Variants in KIAA0319L observed in about 807,000 individuals in gnomAD.
The protein encoded by KIAA0319L is KIAA0319 like, also known as dyslexia-associated protein KIAA0319-like protein.
In KIAA0319L, 55 loss-of-function variants were observed where a neutral mutation model predicts 120.1. That is an observed-to-expected ratio of 0.46 (90% CI 0.37 to 0.57). The LOEUF is 0.57. Among genes scored for constraint, KIAA0319L ranks in the 20% least tolerant of loss-of-function variants. KIAA0319L has a pLI of 0.00. For synonymous variants in KIAA0319L, 398 were observed against 471.9 expected, an observed-to-expected ratio of 0.84 and a Z score of 2.03; for missense variants, 1,049 against 1,255.3, an observed-to-expected ratio of 0.84 and a Z score of 2.48.
chr1:35,444,592 A>T (rs949165745), intron 16 of KIAA0319L, among the ~76,000 whole-genome samples: 3 of 152,166 alleles, frequency 2.0e-5, no homozygotes, highest in East Asian at 1.9e-4. Context: ...TGTTCTTTTT[A>T]AAATGCCCTA....
intron 2 of KIAA0319L, among the ~76,000 whole-genome samples, chr1:35,528,535 A>T (rs1194849158): frequency 6.6e-6 from 1 of 152,224 alleles, no homozygotes; most frequent in Non-Finnish European, 1.5e-5. Context: ...TCGTGGTCTG[A>T]CATATGGTCT....
chr1:35,548,073 A>G (rs1647051367), intron 2 of KIAA0319L, among the ~76,000 whole-genome samples: 1 of 151,736 alleles, frequency 6.6e-6, no homozygotes, highest in Non-Finnish European at 1.5e-5. Flanking sequence ...GTGAGCTGAG[A>G]TCGTACCACT....
intron 10 of KIAA0319L, 82 bp downstream of exon 10, chr1:35,455,931 G>T: frequency 9.3e-7 from 1 of 1,071,156 alleles, no homozygotes; most frequent in Non-Finnish European, 1.4e-6. Context: ...AGCTTTCTCA[G>T]TTTGTTTGGA....
chr1:35,450,451 C>T lies in KIAA0319L; in HGVS notation c.2121G>A (p.Thr707=), dbSNP rs761016529. 1.4e-5 allele frequency: 22 copies of T among 1,613,920 alleles called. No individual in the cohort carries two copies. The Admixed American group carries it at 2.0e-4, about 15-fold the overall frequency. ...TAGAGCCATCCAGCTCTGCTGTGCT[C>T]GTGGGTAGGGTAATCACCACATTCC... The part of the protein sequence containing the change: ...ITGNVVITLP[T]STAELDGSKS... Residue 707 remains threonine, a synonymous_variant, in exon 14 of 21, where the codon ACG becomes ACA. Transcript: ENST00000325722.
At chr1:35,526,212 T>G (rs1297694372) in intron 2 of KIAA0319L, among the ~76,000 whole-genome samples, 1 of 151,068 alleles carries the variant, frequency 6.6e-6, no homozygotes, top group Non-Finnish European at 1.5e-5. Flanking sequence ...TCTGTTTTTA[T>G]ACCAATACCA....
At chr1:35,537,099 A>G (rs1384412746) in intron 2 of KIAA0319L, among the ~76,000 whole-genome samples, 1 of 152,202 alleles carries the variant, frequency 6.6e-6, no homozygotes, top group African/African-American at 2.4e-5. Context: ...TATAACAGAT[A>G]AACTTTTGCC....
chr1:35,464,294 T>C (rs1452537805), intron 7 of KIAA0319L, among the ~76,000 whole-genome samples: 4 of 152,146 alleles, frequency 2.6e-5, no homozygotes, highest in African/African-American at 4.8e-5. Flanking sequence ...AATAGCAATA[T>C]GGACAATAAA....
chr1:35,462,580 T>C, intron 8 of KIAA0319L, 41 bp downstream of exon 8: 3 of 1,477,430 alleles, frequency 2.0e-6, no homozygotes, highest in Non-Finnish European at 2.8e-6. Flanking sequence ...GAGTACACGG[T>C]GAATGTTCTT....
At chr1:35,479,324 A>G (rs1254292723) in intron 3 of KIAA0319L, 112 bp from the exon 4 acceptor site, 1 of 805,100 alleles carries the variant, frequency 1.2e-6, no homozygotes, top group African/African-American at 1.7e-5. Flanking sequence ...CAAAAATATC[A>G]AAAATATTAA....
intron 3 of KIAA0319L, among the ~76,000 whole-genome samples, chr1:35,493,179 T>C (rs1644663290): frequency 6.6e-6 from 1 of 152,054 alleles, no homozygotes; most frequent in Non-Finnish European, 1.5e-5. Context: ...AATGAATAAA[T>C]AAGTTTAGCA....
intron 2 of KIAA0319L, among the ~76,000 whole-genome samples, chr1:35,522,062 A>T (rs1197540554): frequency 2.0e-5 from 3 of 152,222 alleles, no homozygotes; most frequent in African/African-American, 7.2e-5. Context: ...GTTCTAACAT[A>T]GAATGATATC....
intron 3 of KIAA0319L, among the ~76,000 whole-genome samples, chr1:35,504,116 C>T (rs1295348396): frequency 1.3e-5 from 2 of 151,722 alleles, no homozygotes; most frequent in African/African-American, 4.8e-5. Flanking sequence ...GAACTCCTGA[C>T]CTCAATTGAT....
chr1:35,482,971 T>A (rs1050038641), intron 3 of KIAA0319L, among the ~76,000 whole-genome samples: 2 of 152,210 alleles, frequency 1.3e-5, no homozygotes, highest in African/African-American at 2.4e-5. Context: ...CTCACTGTGG[T>A]TGTAATTTAC....
chr1:35,550,131 G>A (rs1362976399), intron 2 of KIAA0319L, among the ~76,000 whole-genome samples: 4 of 152,198 alleles, frequency 2.6e-5, no homozygotes, highest in Admixed American at 2.6e-4. Context: ...TGTAATCAAT[G>A]CTTTCTAACA....
chr1:35,501,884 A>G (rs1247237023), intron 3 of KIAA0319L, among the ~76,000 whole-genome samples: 1 of 151,372 alleles, frequency 6.6e-6, no homozygotes, highest in African/African-American at 2.4e-5. Flanking sequence ...ATCTCAAAAA[A>G]AAAAAAAAAA....
intron 2 of KIAA0319L, among the ~76,000 whole-genome samples, chr1:35,534,384 A>C (rs376797391): frequency 5.8e-4 from 88 of 152,350 alleles, no homozygotes; most frequent in African/African-American, 2.0e-3. Context: ...CATATCAGCT[A>C]CTATTCACAC....
At chr1:35,449,774 C>T in intron 15 of KIAA0319L, 93 bp downstream of exon 15, 2 of 1,385,124 alleles carry the variant, frequency 1.4e-6, no homozygotes, top group Non-Finnish European at 2.0e-6. Flanking sequence ...TGCCATCTGG[C>T]TCTGTCCATG....
rs1004492675 is a variant in KIAA0319L at position 35,454,691 on chromosome 1, C to A, written c.1657-206G>T. The A allele has an allele frequency of 6.3e-6, 8 of 1,268,392 alleles. No individual in the cohort carries two copies. The African/African-American group carries it at 1.0e-4, about 17-fold the overall frequency. The allele number at this position is 1,268,392 out of a possible 1,614,324, so 78.6% of individuals were successfully genotyped here. ...AGGGTTTCCCCCTTCAAGGAAACAA[C>A]CCTCTCTGACACAGCAGCAGTTTCA... On this transcript the variant is annotated intron_variant, in intron 10 of 20. Transcript: ENST00000325722.
intron 1 of KIAA0319L, among the ~76,000 whole-genome samples, chr1:35,556,145 T>C (rs1647993640): frequency 6.6e-6 from 1 of 152,162 alleles, no homozygotes; most frequent in Non-Finnish European, 1.5e-5. Context: ...ACTTGACAAA[T>C]GAAAATCTAG....
Sources: allele counts gnomAD v4.1 joint callset (sites outside exome capture counted in the v4.1 genomes callset), GRCh38; gene constraint gnomAD v4.1.1; transcripts MANE v1.5; gene names NCBI Gene and HGNC (gene_info 2026-07-23, HGNC 2026-07-21).